Variants in TCF25 observed in about 807,000 individuals in gnomAD.
TCF25 encodes the protein ribosome quality control complex subunit TCF25.
Under a neutral mutation model 83.1 loss-of-function variants are expected in TCF25, and 41 were observed. The observed-to-expected ratio is 0.49, with a 90% CI of 0.38 to 0.64. TCF25 has a LOEUF of 0.64. Among genes scored for constraint, TCF25 ranks in the 30% least tolerant of loss-of-function variants. The pLI, the probability that TCF25 is intolerant of heterozygous loss-of-function variation, is 0.00. For missense variants in TCF25, 979 were observed against 914.5 expected, an observed-to-expected ratio of 1.07 and a Z score of -0.91; for synonymous variants, 458 against 365.0, an observed-to-expected ratio of 1.25 and a Z score of -2.90.
rs766179873 is a variant in TCF25, at chr16:89,884,655, C to T, written c.428C>T (p.Ser143Leu). 9.3e-6 allele frequency: 15 copies of T among 1,611,504 alleles called. No individual in the cohort carries two copies. Among genetic ancestry groups the T allele is most frequent in the Admixed American group, 3.3e-5 (2 of 59,738 alleles). The change falls in exon 3 of 18, where the codon TCG becomes TTG. Residue 143 changes from serine (S) to leucine (L), a missense_variant and splice_region_variant. Transcript: ENST00000263346. ...AAGAAAAGCAGCACGGGAGAAGCAT[C>T]GGTACGTGAGTTGGGCCTGGCTGTG... ...KNKKSSTGEA[S>L]ENGLEDIDRI...
chr16:89,908,679 C>G (rs2045259450), intron 16 of TCF25, among the ~76,000 whole-genome samples: 1 of 136,880 alleles, frequency 7.3e-6, no homozygotes, highest in Non-Finnish European at 1.6e-5. Context: ...CTCCCTCCTC[C>G]CAGCTCCCAC....
chr16:89,874,446 G>T (rs751521458), intron 1 of TCF25: 2 of 153,396 alleles, frequency 1.3e-5, no homozygotes, highest in Non-Finnish European at 2.9e-5. Context: ...GCCTTCTCTC[G>T]GTTCCAGGGT....
Position 89,895,054 on chromosome 16 carries a change from G to A in TCF25, c.845G>A (p.Ser282Asn), listed in dbSNP as rs756791422. The change falls in exon 8 of 18, where the codon AGC (serine) becomes AAC (asparagine). Residue 282 changes from serine to asparagine, a missense_variant. Physicochemically the swap from Ser to Asn is conservative, Grantham distance 46 (BLOSUM62 1). Coordinates refer to ENST00000263346, the MANE Select transcript of TCF25 (RefSeq NM_014972.3). The stretch of plus-strand genomic sequence containing the variant: ...TTCTGGTAGGTTCTGCTCCAGACGA[G>A]CCCTTACCACGTTGACTCACTCCTG... ...PNNIVVLLQT[S>N]PYHVDSLLQL... 6.2e-7 allele frequency: 1 copy of A among 1,613,228 alleles called. No homozygotes were observed. Among genetic ancestry groups the A allele is most frequent in the African/African-American group, 1.3e-5 (1 of 75,050 alleles).
chr16:89,880,352 G>A (rs1046370954), intron 1 of TCF25, among the ~76,000 whole-genome samples: 1 of 152,242 alleles, frequency 6.6e-6, no homozygotes, highest in Non-Finnish European at 1.5e-5. Flanking sequence ...GGGAGTCTGA[G>A]GCGGGCAGAT....
rs758287443 is a variant in TCF25 at position 89,892,182 on chromosome 16, G to C, written c.615-11G>C. 3 of 1,598,858 alleles carry C rather than the reference G, an allele frequency of 1.9e-6. No homozygotes were observed. Among genetic ancestry groups the C allele is most frequent in the East Asian group, 4.6e-5 (2 of 43,946 alleles). On this transcript the variant is annotated splice_polypyrimidine_tract_variant and intron_variant, in intron 5 of 17. Coordinates refer to ENST00000263346, the MANE Select transcript of TCF25 (RefSeq NM_014972.3). ...GGAAGTAAAGCTGTACCTGTGTCCCGTTCTCCCCAGGCCACGGCAGAGACA... is the reference window on the plus strand; with the variant it reads ...GGAAGTAAAGCTGTACCTGTGTCCCCTTCTCCCCAGGCCACGGCAGAGACA...
At chr16:89,873,955 C>A (rs1265994131) in intron 1 of TCF25, 96 bp downstream of exon 1, 2 of 1,380,880 alleles carry the variant, frequency 1.4e-6, no homozygotes, top group Non-Finnish European at 1.9e-6. Flanking sequence ...GGTTGTGATG[C>A]CAGGGGTGGG....
At chr16:89,905,155 G>C in intron 14 of TCF25, 59 bp downstream of exon 14, 1 of 1,488,344 alleles carries the variant, frequency 6.7e-7, no homozygotes, top group Non-Finnish European at 8.9e-7. Flanking sequence ...CCTCATCCCA[G>C]ACACGGGGGC....
intron 16 of TCF25, among the ~76,000 whole-genome samples, chr16:89,908,639 A>T (rs372215221): frequency 0.026 from 550 of 20,858 alleles, 1 homozygote; most frequent in African/African-American, 0.034. Flanking sequence ...CCCACCTCCC[A>T]CCTCCCAGCT....
At chr16:89,895,201 T>C in intron 8 of TCF25, 64 bp downstream of exon 8, 1 of 1,459,928 alleles carries the variant, frequency 6.8e-7, no homozygotes, top group Non-Finnish European at 9.5e-7. Flanking sequence ...TCAAGACAGA[T>C]GCGATGGTGT....
In TCF25 at chr16:89,906,423, C is replaced by G. The variant is rs996816464; in HGVS notation, c.1719+139C>G. On this transcript the variant is annotated intron_variant, in intron 15 of 17. Coordinates refer to ENST00000263346, the MANE Select transcript of TCF25 (RefSeq NM_014972.3). ...AGCCCCGCCACGGCAGGGGCAGGGT[C>G]TAGTGCAGAGGGCTCCTCCTTTCCT... 27 of 766,296 alleles carry G rather than the reference C, an allele frequency of 3.5e-5. No individual in the cohort carries two copies. In the African/African-American group the frequency reaches 4.0e-4, roughly 11 times the overall value. The allele number at this position is 766,296 out of a possible 1,614,324, so 47.5% of individuals were successfully genotyped here.
At chr16:89,894,879 A>C in intron 7 of TCF25, 159 bp from the exon 8 acceptor site, 1 of 545,500 alleles carries the variant, frequency 1.8e-6, no homozygotes, top group Non-Finnish European at 3.2e-6. Context: ...TCCTGATATC[A>C]AGTGATCCTC....
At position 89,883,556 on chromosome 16, in the gene TCF25, TC is replaced by T; in HGVS notation, c.354+46del. 1.9e-6 allele frequency: 3 copies of T among 1,545,632 alleles called. No individual in the cohort carries two copies. The African/African-American group carries it at 4.1e-5, about 21-fold the overall frequency. On this transcript the variant is annotated intron_variant, in intron 2 of 17. Transcript: ENST00000263346. ...AGGAGGTGGCATCAGACGGGAGAGT[TC>T]CAAGGCACCCAGCCACGTGTATCCT...
rs191814837 is a variant in TCF25, at chr16:89,904,155, C to T, written c.1419C>T (p.Pro473=). ...TGCTCGAGTCTTGCAGTGTGCGGCC[C>T]GACGCCAGCGTTTCCAGTCACCGCT... ...LPLLESCSVR[P]DASVSSHRFF... The change falls in exon 13 of 18, where the codon CCC becomes CCT. Residue 473 remains proline, a synonymous_variant. Transcript: ENST00000263346. 3.8e-4 allele frequency: 605 copies of T among 1,605,250 alleles called. 1 individual carries two copies. The highest frequency in any genetic ancestry group is 1.3e-3 in the Admixed American group (75 of 59,074).
chr16:89,909,051 G>A (rs920616538), intron 16 of TCF25: 4 of 1,289,440 alleles, frequency 3.1e-6, no homozygotes, highest in African/African-American at 3.0e-5. Context: ...TCCACCGAAT[G>A]TACAAGCGCT....
At chr16:89,906,051 G>A in intron 14 of TCF25, 143 bp from the exon 15 acceptor site, 1 of 734,662 alleles carries the variant, frequency 1.4e-6, no homozygotes, top group Non-Finnish European at 2.3e-6. Flanking sequence ...CTCTGCTCGA[G>A]AGTAAAGTGT....
intron 12 of TCF25, among the ~76,000 whole-genome samples, chr16:89,903,114 G>T (rs1001080262): frequency 1.3e-5 from 2 of 152,260 alleles, no homozygotes; most frequent in South Asian, 2.1e-4. Flanking sequence ...CTGGAAACGC[G>T]GCTGGGAGGC....
chr16:89,877,379 A>AT (rs1030311102), intron 1 of TCF25, among the ~76,000 whole-genome samples: 9 of 151,734 alleles, frequency 5.9e-5, no homozygotes, highest in East Asian at 1.9e-4. Flanking sequence ...AATTTTTTCA[A>AT]TTTTTTTTGA....
chr16:89,875,040 C>T (rs912526101), intron 1 of TCF25, among the ~76,000 whole-genome samples: 1 of 152,184 alleles, frequency 6.6e-6, no homozygotes, highest in African/African-American at 2.4e-5. Flanking sequence ...TGCTCTGTTG[C>T]CCAGGCTGGA....
At chr16:89,902,986 G>A (rs1373755499) in intron 12 of TCF25, among the ~76,000 whole-genome samples, 1 of 152,192 alleles carries the variant, frequency 6.6e-6, no homozygotes, top group Non-Finnish European at 1.5e-5. Context: ...GAGGGGCCTG[G>A]CCAGGCCTCA....
Sources: gnomAD v4.1 joint callset for allele counts (sites outside exome capture counted in the v4.1 genomes callset) on GRCh38, gnomAD v4.1.1 for gene constraint, MANE v1.5 for transcripts, NCBI Gene and HGNC (gene_info 2026-07-23, HGNC 2026-07-21) for gene names.